Variants in CEP112 observed in about 807,000 individuals in gnomAD.
The protein encoded by CEP112 is centrosomal protein of 112 kDa.
CEP112 carries 127 observed loss-of-function variants against 153.0 expected under a neutral mutation model. The observed-to-expected ratio is 0.83, with a 90% CI of 0.72 to 0.96. The LOEUF is 0.96. Among genes scored for constraint, CEP112 ranks in the 40% least tolerant of loss-of-function variants. CEP112 has a pLI of 0.00. For synonymous variants in CEP112, 358 were observed against 374.4 expected, an observed-to-expected ratio of 0.96 and a Z score of 0.51; for missense variants, 1,089 against 1,101.2, an observed-to-expected ratio of 0.99 and a Z score of 0.16.
intron 21 of CEP112, among the ~76,000 whole-genome samples, chr17:65,767,346 A>C (rs1186091224): frequency 2.6e-5 from 4 of 152,094 alleles, no homozygotes; most frequent in Non-Finnish European, 5.9e-5. Flanking sequence ...AATGATAATG[A>C]AAACACAACA....
chr17:65,866,134 G>A (rs1459555527), intron 20 of CEP112, among the ~76,000 whole-genome samples: 1 of 152,144 alleles, frequency 6.6e-6, no homozygotes, highest in Non-Finnish European at 1.5e-5. Context: ...CGGGGGCCTG[G>A]GAAGGCCCCC....
chr17:65,696,110 ACACATTTTCTGT>A (rs1218118361), intron 23 of CEP112, among the ~76,000 whole-genome samples: 9 of 152,230 alleles, frequency 5.9e-5, no homozygotes, highest in Admixed American at 5.9e-4. Context: ...ACATTCTCTT[ACACATTTTCTGT>A]CATGCAGCTT....
At chr17:65,648,091 A>G (rs1043324420) in intron 24 of CEP112, among the ~76,000 whole-genome samples, 2 of 152,172 alleles carry the variant, frequency 1.3e-5, no homozygotes, top group Admixed American at 1.3e-4. Flanking sequence ...ATGTCTATTA[A>G]ACACGAAGGT....
intron 18 of CEP112, among the ~76,000 whole-genome samples, chr17:65,956,409 T>TACACACACAC (rs55652336): frequency 1.5e-4 from 22 of 146,722 alleles, no homozygotes; most frequent in Admixed American, 4.8e-4. Context: ...CATACATACA[T>TACACACACAC]ACACACACAC....
At chr17:66,080,783 C>T (rs1260284502) in intron 8 of CEP112, among the ~76,000 whole-genome samples, 2 of 152,078 alleles carry the variant, frequency 1.3e-5, no homozygotes, top group Non-Finnish European at 2.9e-5. Context: ...CAATGATAGA[C>T]TGAATAAAGA....
At chr17:65,929,040 G>A (rs960627642) in intron 18 of CEP112, among the ~76,000 whole-genome samples, 3 of 152,166 alleles carry the variant, frequency 2.0e-5, no homozygotes, top group Non-Finnish European at 4.4e-5. Flanking sequence ...GTTGCCTAGG[G>A]TGAGATGGTG....
chr17:66,084,665 A>ATGGGGGG (rs2067847955), intron 8 of CEP112, among the ~76,000 whole-genome samples: 1 of 152,148 alleles, frequency 6.6e-6, no homozygotes, highest in East Asian at 1.9e-4. Flanking sequence ...TAGGGGCTGG[A>ATGGGGGG]AAGGGTAGTG....
intron 24 of CEP112, among the ~76,000 whole-genome samples, chr17:65,672,780 G>A (rs2047049105): frequency 6.6e-6 from 1 of 152,140 alleles, no homozygotes; most frequent in African/African-American, 2.4e-5. Flanking sequence ...CGATAAATGG[G>A]AAAGAAGAGA....
intron 24 of CEP112, among the ~76,000 whole-genome samples, chr17:65,665,691 T>C (rs1455070231): frequency 6.6e-6 from 1 of 152,216 alleles, no homozygotes. Context: ...ATTTGAGCTA[T>C]TGGATTAAGC....
At chr17:66,093,237 G>C (rs554055386) in intron 8 of CEP112, among the ~76,000 whole-genome samples, 18 of 152,224 alleles carry the variant, frequency 1.2e-4, no homozygotes, top group Admixed American at 9.2e-4. Context: ...AGCTACTGGG[G>C]AGGCTAAGGC....
At chr17:65,948,662 T>G (rs1433104494) in intron 18 of CEP112, among the ~76,000 whole-genome samples, 1 of 151,742 alleles carries the variant, frequency 6.6e-6, no homozygotes, top group Non-Finnish European at 1.5e-5. Context: ...CACAGTTAGT[T>G]GCTGAGAGCT....
At chr17:65,767,414 G>C (rs1290146302) in intron 21 of CEP112, among the ~76,000 whole-genome samples, 1 of 151,936 alleles carries the variant, frequency 6.6e-6, no homozygotes, top group Non-Finnish European at 1.5e-5. Context: ...AAAGTTTATA[G>C]CAACAAATGT....
intron 19 of CEP112, among the ~76,000 whole-genome samples, chr17:65,914,926 T>C (rs1168622056): frequency 6.6e-6 from 1 of 152,208 alleles, no homozygotes; most frequent in Non-Finnish European, 1.5e-5. Context: ...CCAGTCTTGT[T>C]GAGGTGGCTA....
At chr17:66,077,043 G>T (rs1414061235) in intron 8 of CEP112, among the ~76,000 whole-genome samples, 1 of 152,152 alleles carries the variant, frequency 6.6e-6, no homozygotes, top group African/African-American at 2.4e-5. Context: ...TGGGAAAAAA[G>T]AATCTGAACA....
chr17:65,889,644 T>C (rs1461278354), intron 20 of CEP112, among the ~76,000 whole-genome samples: 1 of 152,160 alleles, frequency 6.6e-6, no homozygotes, highest in Non-Finnish European at 1.5e-5. Context: ...TTGGTATCCA[T>C]TACCCTCCAT....
intron 23 of CEP112, among the ~76,000 whole-genome samples, chr17:65,700,300 T>C (rs1461178702): frequency 1.3e-5 from 2 of 152,206 alleles, no homozygotes; most frequent in East Asian, 3.8e-4. Flanking sequence ...GCATCTAATC[T>C]AATGTGTACG....
chr17:65,964,631 G>C (rs1246209998), intron 17 of CEP112, among the ~76,000 whole-genome samples: 2 of 152,268 alleles, frequency 1.3e-5, no homozygotes, highest in African/African-American at 4.8e-5. Context: ...TGACTGGAAG[G>C]GGCTGCCTGG....
At chr17:65,758,115 A>G (rs559614220) in intron 21 of CEP112, among the ~76,000 whole-genome samples, 1 of 152,118 alleles carries the variant, frequency 6.6e-6, no homozygotes, top group Non-Finnish European at 1.5e-5. Context: ...GGTACATGAC[A>G]CTGCCCTTGG....
At chr17:65,669,625 C>T (rs531156224) in intron 24 of CEP112, among the ~76,000 whole-genome samples, 5 of 152,220 alleles carry the variant, frequency 3.3e-5, no homozygotes, top group South Asian at 2.1e-4. Flanking sequence ...AAGAAAAGGC[C>T]GGGTACGGTG....
Sources: allele counts gnomAD v4.1 joint callset (sites outside exome capture counted in the v4.1 genomes callset), GRCh38; gene constraint gnomAD v4.1.1; transcripts MANE v1.5; gene names NCBI Gene and HGNC (gene_info 2026-07-23, HGNC 2026-07-21).